Variants in ZCWPW2 observed in about 807,000 individuals in gnomAD.
The protein encoded by ZCWPW2 is zinc finger CW-type PWWP domain protein 2.
A neutral mutation model predicts 46.6 loss-of-function variants in ZCWPW2; 45 were observed. The observed-to-expected ratio is 0.96, with a 90% CI of 0.76 to 1.24. The LOEUF is 1.24. Ranked by LOEUF, ZCWPW2 falls within the 50% of genes most tolerant of loss-of-function variation. The pLI, the probability that ZCWPW2 is intolerant of heterozygous loss-of-function variation, is 0.00. For missense variants in ZCWPW2, 429 were observed against 403.9 expected, an observed-to-expected ratio of 1.06 and a Z score of -0.53; for synonymous variants, 152 against 137.1, an observed-to-expected ratio of 1.11 and a Z score of -0.76.
chr3:28,374,717 T>C (rs1213280819), intron 1 of ZCWPW2, among the ~76,000 whole-genome samples: 2 of 152,148 alleles, frequency 1.3e-5, no homozygotes, highest in African/African-American at 4.8e-5. Flanking sequence ...TTCTTAGTTA[T>C]TTTATATTTT....
In ZCWPW2 at chr3:28,493,150, GTT is replaced by G. The variant is rs11426112; in HGVS notation, c.657+987_657+988del. ...TTTTTTTTATTTTATTTTTTTTAAT[GTT>G]TTTTTTTTTATTATACTTTAAGTTT... On this transcript the variant is annotated intron_variant, in intron 6 of 9. Transcript: ENST00000383768. Among the ~76,000 whole-genome samples the G allele has an allele frequency of 4.9e-3, 402 of 82,082 alleles. 4 individuals carry two copies. The highest frequency in any genetic ancestry group is 0.019 in the African/African-American group (377 of 19,852). The allele number at this position is 82,082 out of a possible 152,430, so 53.8% of individuals were successfully genotyped here.
intron 1 of ZCWPW2, among the ~76,000 whole-genome samples, chr3:28,383,701 G>C (rs1378675372): frequency 6.6e-6 from 1 of 151,936 alleles, no homozygotes. Flanking sequence ...AATTCTGAAC[G>C]TGGACCTCTT....
rs60041322 is a variant in ZCWPW2 at position 28,381,050 on chromosome 3, G to GTATATATA, written c.-133-9425_-133-9418dup. Among the ~76,000 whole-genome samples the GTATATATA allele has an allele frequency of 4.3e-3, 52 of 12,102 alleles. 3 individuals carry two copies. The highest frequency in any genetic ancestry group is 0.011 in the East Asian group (2 of 188). 7.9% of individuals were successfully genotyped at this position (12,102 alleles called of 152,430 possible). ...GTATATATATATATATATATTTGGT[G>GTATATATA]TATATATATATATATATATATATAT... On this transcript the variant is annotated intron_variant, in intron 1 of 9. Coordinates refer to ENST00000383768, the MANE Select transcript of ZCWPW2 (RefSeq NM_001040432.4).
At chr3:28,446,991 CTG>C (rs1698020841) in intron 4 of ZCWPW2, among the ~76,000 whole-genome samples, 1 of 152,048 alleles carries the variant, frequency 6.6e-6, no homozygotes, top group Non-Finnish European at 1.5e-5. Context: ...CTGAGTAGAC[CTG>C]TAACTAGTAA....
chr3:28,514,960 C>G (rs1174163310), intron 7 of ZCWPW2, among the ~76,000 whole-genome samples: 1 of 152,054 alleles, frequency 6.6e-6, no homozygotes, highest in Non-Finnish European at 1.5e-5. Flanking sequence ...AAATGGACTT[C>G]CACTGCCTTA....
intron 6 of ZCWPW2, among the ~76,000 whole-genome samples, chr3:28,509,929 T>C (rs1278329992): frequency 6.6e-6 from 1 of 152,188 alleles, no homozygotes; most frequent in African/African-American, 2.4e-5. Context: ...TGTTTTCTTC[T>C]GAGAGTTGTA....
intron 2 of ZCWPW2, among the ~76,000 whole-genome samples, chr3:28,398,639 G>A (rs978912089): frequency 6.6e-6 from 1 of 152,136 alleles, no homozygotes; most frequent in Non-Finnish European, 1.5e-5. Flanking sequence ...AGTGGGAAAG[G>A]GAAATTGTCT....
At chr3:28,453,672 A>G (rs1018904716) in intron 4 of ZCWPW2, among the ~76,000 whole-genome samples, 3 of 151,978 alleles carry the variant, frequency 2.0e-5, no homozygotes, top group African/African-American at 7.2e-5. Flanking sequence ...TTATAATGAG[A>G]TTTTTTGTGT....
chr3:28,471,779 A>G (rs1233401572), intron 4 of ZCWPW2, among the ~76,000 whole-genome samples: 1 of 152,158 alleles, frequency 6.6e-6, no homozygotes, highest in Non-Finnish European at 1.5e-5. Flanking sequence ...GAAAGGAAGA[A>G]GTCAAATTAT....
At chr3:28,370,854 T>G (rs1194540936) in intron 1 of ZCWPW2, among the ~76,000 whole-genome samples, 1 of 152,128 alleles carries the variant, frequency 6.6e-6, no homozygotes, top group Non-Finnish European at 1.5e-5. Flanking sequence ...TGCCTCAGCC[T>G]CCTGAGTAGC....
chr3:28,511,891 A>G (rs1700435903), intron 6 of ZCWPW2, among the ~76,000 whole-genome samples: 1 of 152,164 alleles, frequency 6.6e-6, no homozygotes, highest in African/African-American at 2.4e-5. Context: ...CTATCTTTTT[A>G]GTTCTCACTC....
At chr3:28,423,120 T>C (rs938847276) in intron 3 of ZCWPW2, among the ~76,000 whole-genome samples, 1 of 152,138 alleles carries the variant, frequency 6.6e-6, no homozygotes, top group Non-Finnish European at 1.5e-5. Context: ...ATCAGATATA[T>C]GTTTTGCAAA....
At chr3:28,430,262 G>C (rs1042737155) in intron 3 of ZCWPW2, among the ~76,000 whole-genome samples, 2 of 152,244 alleles carry the variant, frequency 1.3e-5, no homozygotes, top group African/African-American at 4.8e-5. Flanking sequence ...ACCTGGATGT[G>C]AGACATGGAG....
intron 1 of ZCWPW2, among the ~76,000 whole-genome samples, chr3:28,361,676 A>G (rs1024545828): frequency 3.3e-5 from 5 of 151,910 alleles, no homozygotes; most frequent in African/African-American, 1.2e-4. Context: ...AATTCATACA[A>G]TGTAATAGCA....
intron 6 of ZCWPW2, among the ~76,000 whole-genome samples, chr3:28,494,519 T>C (rs1272962594): frequency 6.6e-6 from 1 of 151,706 alleles, no homozygotes; most frequent in African/African-American, 2.4e-5. Context: ...TATCTCTGTT[T>C]TGGTACCAGT....
At chr3:28,474,414 T>C (rs141544799) in intron 4 of ZCWPW2, among the ~76,000 whole-genome samples, 146 of 152,246 alleles carry the variant, frequency 9.6e-4, no homozygotes, top group African/African-American at 3.3e-3. Context: ...ATGGACAAAA[T>C]GTTTTTATTT....
chr3:28,454,525 G>A (rs1010474918), intron 4 of ZCWPW2, among the ~76,000 whole-genome samples: 3 of 152,088 alleles, frequency 2.0e-5, no homozygotes, highest in Non-Finnish European at 2.9e-5. Flanking sequence ...GGATGTGCAC[G>A]TTTGTTACAT....
rs1704458351 is a variant in ZCWPW2, at chr3:28,349,639, TG to T, written c.-134+438del. Among the ~76,000 whole-genome samples the T allele has an allele frequency of 4.6e-5, 7 of 152,324 alleles. No individual in the cohort carries two copies. In the South Asian group the frequency reaches 1.4e-3, roughly 32 times the overall value. ...CTAGATGATAGACCGTCCCTAGCTG[TG>T]GAGTCACAAGTAGTTGAATTAATTA... On this transcript the variant is annotated intron_variant, in intron 1 of 9. Coordinates refer to ENST00000383768, the MANE Select transcript of ZCWPW2 (RefSeq NM_001040432.4).
At chr3:28,404,583 A>G (rs1020526210) in intron 2 of ZCWPW2, among the ~76,000 whole-genome samples, 20 of 152,214 alleles carry the variant, frequency 1.3e-4, no homozygotes, top group African/African-American at 4.1e-4. Flanking sequence ...ATTCATGTTT[A>G]TAACAGCACA....
Sources: gnomAD v4.1 joint callset for allele counts (sites outside exome capture counted in the v4.1 genomes callset) on GRCh38, gnomAD v4.1.1 for gene constraint, MANE v1.5 for transcripts, NCBI Gene and HGNC (gene_info 2026-07-23, HGNC 2026-07-21) for gene names.